Variants in FSIP2 observed in about 807,000 individuals in gnomAD.
The protein encoded by FSIP2 is fibrous sheath-interacting protein 2.
Under a neutral mutation model 510.5 loss-of-function variants are expected in FSIP2, and 367 were observed. The observed-to-expected ratio is 0.72, with a 90% CI of 0.66 to 0.78. The LOEUF is 0.78. Among genes scored for constraint, FSIP2 ranks in the 30% least tolerant of loss-of-function variants. FSIP2 has a pLI of 0.00. For missense variants in FSIP2, 7,594 were observed against 7,901.7 expected (o/e 0.96, Z 1.48); for synonymous variants, 2,601 against 2,732.2 (o/e 0.95, Z 1.50).
chr2:185,780,842 C>T (rs547577433), intron 13 of FSIP2, among the ~76,000 whole-genome samples: 10 of 152,178 alleles, frequency 6.6e-5, no homozygotes, highest in African/African-American at 2.4e-4. Context: ...ACGCTGCTGC[C>T]AGTTATCTGT....
intron 13 of FSIP2, among the ~76,000 whole-genome samples, chr2:185,772,464 C>A (rs1692623707): frequency 6.6e-6 from 1 of 152,192 alleles, no homozygotes; most frequent in African/African-American, 2.4e-5. Flanking sequence ...AAAGCTTCCA[C>A]TCATGGCAGA....
At chr2:185,749,080 A>G (rs1692092489) in intron 7 of FSIP2, among the ~76,000 whole-genome samples, 1 of 152,000 alleles carries the variant, frequency 6.6e-6, no homozygotes. Context: ...TGAATCTGTC[A>G]TGTCAGTCTT....
chr2:185,785,854 A>G (rs544811038), intron 14 of FSIP2, among the ~76,000 whole-genome samples: 30 of 152,104 alleles, frequency 2.0e-4, no homozygotes, highest in African/African-American at 7.0e-4. Flanking sequence ...GGATTATCAG[A>G]AAGTCCTGGT....
chr2:185,787,662 T>A (rs1574178763), intron 15 of FSIP2, among the ~76,000 whole-genome samples: 1 of 151,676 alleles, frequency 6.6e-6, no homozygotes, highest in Admixed American at 6.6e-5. Flanking sequence ...TAAATAGAGG[T>A]TTATAGAATT....
intron 8 of FSIP2, 125 bp from the exon 9 acceptor site, chr2:185,756,067 G>T: frequency 2.8e-6 from 1 of 357,512 alleles, no homozygotes. Flanking sequence ...AATTTTTCTC[G>T]CAATCCCACA....
At chr2:185,780,803 G>C (rs1692833865) in intron 13 of FSIP2, among the ~76,000 whole-genome samples, 1 of 152,024 alleles carries the variant, frequency 6.6e-6, no homozygotes, top group Non-Finnish European at 1.5e-5. Flanking sequence ...TATTTGGATA[G>C]GTTGTAATTC....
intron 20 of FSIP2, among the ~76,000 whole-genome samples, chr2:185,826,502 C>A (rs1468371574): frequency 1.3e-5 from 2 of 151,742 alleles, no homozygotes; most frequent in African/African-American, 4.8e-5. Context: ...CAAATGTCAC[C>A]TTCTCAGTGA....
chr2:185,811,964 T>C (rs1693741027), intron 17 of FSIP2, among the ~76,000 whole-genome samples: 1 of 152,006 alleles, frequency 6.6e-6, no homozygotes. Flanking sequence ...GCTGCAGGAG[T>C]GGAGCCCTTA....
In FSIP2 at chr2:185,815,906, T is replaced by C. The variant is rs768971082; in HGVS notation, c.20426+435T>C. Among the ~76,000 whole-genome samples, 53 of 152,104 alleles carry C rather than the reference T, an allele frequency of 3.5e-4. 1 individual carries two copies. The Middle Eastern group carries it at 0.01, about 29-fold the overall frequency. On this transcript the variant is annotated intron_variant, in intron 19 of 22. Transcript: ENST00000424728. ...AAATATAAGTTTTAGCATTCAGAGA[T>C]AAATGGTAGAAAGCAATGGAGTTTG...
intron 13 of FSIP2, among the ~76,000 whole-genome samples, chr2:185,769,994 C>T (rs1692573903): frequency 6.6e-6 from 1 of 152,148 alleles, no homozygotes. Context: ...ACTTTGAATT[C>T]AGGTAGCTTG....
At chr2:185,737,332 G>A (rs1012112299), upstream of FSIP2, among the ~76,000 whole-genome samples, 8 of 152,156 alleles carry the variant, frequency 5.3e-5, no homozygotes, top group Admixed American at 4.6e-4. Context: ...TGCGCTGAGG[G>A]CAGTTGGGAG....
In FSIP2 at chr2:185,756,247, TG is replaced by T; in HGVS notation, c.1049del (p.Gly350GlufsTer46). 1.5e-6 allele frequency: 2 copies of T among 1,340,194 alleles called. No homozygotes were observed. Among genetic ancestry groups the T allele is most frequent in the Non-Finnish European group, 2.0e-6 (2 of 987,456 alleles). The allele number at this position is 1,340,194 out of a possible 1,614,324, so 83.0% of individuals were successfully genotyped here. A position where few individuals can be genotyped will look rare whatever the true frequency, so the allele number is the denominator to read the frequency against. ...SEDIMLVYPA[G>X]DQNTYKETHG... ...AAGATATAATGTTAGTTTATCCTGC[TG>T]GAGACCAGAATACATATAAAGAAAC... On this transcript the variant is annotated frameshift_variant, in exon 9 of 23. Transcript: ENST00000424728. LOFTEE classifies it high-confidence loss of function.
In FSIP2 at chr2:185,753,806, A is replaced by G. The variant is rs1386293786; in HGVS notation, c.955A>G (p.Asn319Asp). The change falls in exon 8 of 23, where the codon AAT becomes GAT. Residue 319 changes from asparagine to aspartate, a missense_variant. Coordinates refer to ENST00000424728, the MANE Select transcript of FSIP2 (RefSeq NM_173651.4). ...CTTTAACGGAGAAGATATAGGAAAA[A>G]ATACATTTAAATACAGAGGTCAAGA... ...TGFNGEDIGK[N>D]TFKYRGQDGT... 4.7e-6 allele frequency: 7 copies of G among 1,489,504 alleles called. No individual in the cohort carries two copies. The South Asian group carries it at 9.2e-5, about 19-fold the overall frequency. 92.3% of individuals were successfully genotyped at this position (1,489,504 alleles called of 1,614,324 possible).
intron 7 of FSIP2, among the ~76,000 whole-genome samples, chr2:185,751,372 G>A (rs1218343990): frequency 6.6e-6 from 1 of 150,648 alleles, no homozygotes. Context: ...TATTAACATT[G>A]CCACTTCAGC....
intron 13 of FSIP2, chr2:185,765,553 A>T (rs1574163433): frequency 6.6e-6 from 1 of 151,982 alleles, no homozygotes; most frequent in Admixed American, 6.6e-5. Flanking sequence ...GTAGCCTTGT[A>T]GTATAGTTTG....
chr2:185,826,207 A>G (rs1694010133), intron 20 of FSIP2, among the ~76,000 whole-genome samples: 1 of 151,812 alleles, frequency 6.6e-6, no homozygotes, highest in Admixed American at 6.6e-5. Context: ...TCAGAATGTA[A>G]CCTTGTTAAG....
At position 185,800,044 on chromosome 2, in the gene FSIP2, C is replaced by G; in HGVS notation, c.10738C>G (p.Gln3580Glu). ...NNKIIQADIA[Q>E]KMVAIPTKYT... ...TAAAATTATACAGGCTGACATTGCA[C>G]AGAAAATGGTTGCCATACCTACAAA... The change falls in exon 17 of 23, where the codon CAG becomes GAG. Residue 3580 changes from glutamine to glutamate, a missense_variant. Gln to Glu is a conservative substitution (Grantham distance 29). Transcript: ENST00000424728. 6.5e-7 allele frequency: 1 copy of G among 1,528,464 alleles called. No homozygotes were observed. Among genetic ancestry groups the G allele is most frequent in the Non-Finnish European group, 8.8e-7 (1 of 1,141,544 alleles). The allele number at this position is 1,528,464 out of a possible 1,614,324, so 94.7% of individuals were successfully genotyped here.
chr2:185,777,813 TC>T (rs1203306287), intron 13 of FSIP2, among the ~76,000 whole-genome samples: 3 of 152,146 alleles, frequency 2.0e-5, no homozygotes, highest in Admixed American at 2.0e-4. Flanking sequence ...GTTGTAATTT[TC>T]CTTTCTCATA....
At chr2:185,757,556 G>A (rs1012437242) in intron 9 of FSIP2, among the ~76,000 whole-genome samples, 8 of 151,266 alleles carry the variant, frequency 5.3e-5, no homozygotes, top group African/African-American at 1.9e-4. Flanking sequence ...TATGTTTTTA[G>A]AGGTGCTCCT....
Sources: allele counts gnomAD v4.1 joint callset (sites outside exome capture counted in the v4.1 genomes callset), GRCh38; gene constraint gnomAD v4.1.1; transcripts MANE v1.5; gene names NCBI Gene and HGNC (gene_info 2026-07-23, HGNC 2026-07-21).